The following ARHGEF18 variants were observed in gnomAD, a reference collection of about 807,000 sequenced individuals.
ARHGEF18 encodes Rho/Rac guanine nucleotide exchange factor 18.
Under a neutral mutation model 155.7 loss-of-function variants are expected in ARHGEF18, and 93 were observed. The observed-to-expected ratio is 0.60, with a 90% CI of 0.50 to 0.71. ARHGEF18 has a LOEUF of 0.71. Among genes scored for constraint, ARHGEF18 ranks in the 30% least tolerant of loss-of-function variants. ARHGEF18 has a pLI of 0.00. For synonymous variants in ARHGEF18, 742 were observed against 753.1 expected (o/e 0.99, Z 0.24); for missense variants, 1,593 against 1,816.1 (o/e 0.88, Z 2.23).
intron 10 of ARHGEF18, among the ~76,000 whole-genome samples, chr19:7,434,917 A>G (rs184664135): frequency 6.6e-6 from 1 of 152,274 alleles, no homozygotes; most frequent in East Asian, 1.9e-4. Flanking sequence ...AAGAAACACC[A>G]TAGGCCAGGC....
downstream of ARHGEF18, among the ~76,000 whole-genome samples, chr19:7,475,129 A>G (rs1210941723): frequency 1.3e-5 from 2 of 152,140 alleles, no homozygotes; most frequent in Non-Finnish European, 2.9e-5. Context: ...GCTACTCGGG[A>G]GGCTGAGGCA....
rs192456810 is a variant in ARHGEF18, at chr19:7,442,114, C to G, written c.1360+62C>G. 1.9e-4 allele frequency: 297 copies of G among 1,555,684 alleles called. 4 individuals carry two copies. The African/African-American group carries it at 2.9e-3, about 15-fold the overall frequency. On this transcript the variant is annotated intron_variant, in intron 13 of 28. Coordinates refer to ENST00000668164, the MANE Select transcript of ARHGEF18 (RefSeq NM_001367823.1). The stretch of plus-strand genomic sequence containing the variant: ...CTCCACTCTCTTCTCTGCTCCCTCC[C>G]TTCCTCCCTCCCTTCCTTCCTTCCT...
At chr19:7,415,518 G>A (rs1420370965) in intron 10 of ARHGEF18, among the ~76,000 whole-genome samples, 2 of 151,738 alleles carry the variant, frequency 1.3e-5, no homozygotes, top group East Asian at 1.9e-4. Context: ...AAACCTTTCC[G>A]TGGCTTCAGG....
rs1970114732 is a variant in ARHGEF18, at chr19:7,369,752, A to T, written c.16-3060A>T. On this transcript the variant is annotated intron_variant, in intron 2 of 28. Coordinates refer to ENST00000668164, the MANE Select transcript of ARHGEF18 (RefSeq NM_001367823.1). ...GCAGATGTTTCAGTGAGCTGATACT[A>T]TGCCATTGCATTCCAGCCTGGGCGA... Among the ~76,000 whole-genome samples, 4 of 152,134 alleles carry T rather than the reference A, an allele frequency of 2.6e-5. No individual in the cohort carries two copies. The South Asian group carries it at 8.3e-4, about 31-fold the overall frequency.
chr19:7,356,990 G>A (rs957483558), intron 1 of ARHGEF18, among the ~76,000 whole-genome samples: 1 of 152,162 alleles, frequency 6.6e-6, no homozygotes, highest in African/African-American at 2.4e-5. Flanking sequence ...GGGGTTAGGG[G>A]GAGAGAGGAT....
intron 13 of ARHGEF18, among the ~76,000 whole-genome samples, chr19:7,442,304 A>G (rs761785705): frequency 3.3e-5 from 5 of 151,342 alleles, no homozygotes; most frequent in Non-Finnish European, 7.4e-5. Flanking sequence ...TGGGACAATC[A>G]GAGCTCACTG....
chr19:7,441,585 T>C (rs1317842388), intron 11 of ARHGEF18, 68 bp from the exon 12 acceptor site: 1 of 1,235,592 alleles, frequency 8.1e-7, no homozygotes, highest in Non-Finnish European at 1.2e-6. Flanking sequence ...CGATGTGCCT[T>C]TGTTGCATGA....
chr19:7,466,953 G>A lies in ARHGEF18; in HGVS notation c.2940G>A (p.Leu980=). ...EAPGTESDPR[L]PTVLESELVQ... ...CAGGCACGGAATCCGATCCCCGTCTGCCCACCGTCCTGGAGTCGGAGGTAG... is the reference window on the plus strand; with the variant it reads ...CAGGCACGGAATCCGATCCCCGTCTACCCACCGTCCTGGAGTCGGAGGTAG... Residue 980 remains leucine, a synonymous_variant, in exon 24 of 29, where the codon CTG becomes CTA. Transcript: ENST00000668164. The A allele has an allele frequency of 1.2e-6, 2 of 1,613,460 alleles. No homozygotes were observed. Among genetic ancestry groups the A allele is most frequent in the Non-Finnish European group, 1.7e-6 (2 of 1,180,006 alleles).
chr19:7,378,006 TTGC>T, intron 5 of ARHGEF18, among the ~76,000 whole-genome samples: 1 of 152,212 alleles, frequency 6.6e-6, no homozygotes, highest in Admixed American at 6.5e-5. Context: ...GACAGGAGAC[TTGC>T]TTGAACCCAG....
intron 10 of ARHGEF18, among the ~76,000 whole-genome samples, chr19:7,427,967 G>A (rs1973754818): frequency 6.6e-6 from 1 of 152,004 alleles, no homozygotes; most frequent in East Asian, 1.9e-4. Context: ...GAAAAAGAGG[G>A]AGAGAAAAAA....
intron 10 of ARHGEF18, among the ~76,000 whole-genome samples, chr19:7,391,245 G>A (rs945112651): frequency 6.6e-6 from 1 of 152,008 alleles, no homozygotes; most frequent in Admixed American, 6.6e-5. Context: ...AAGTCAACGT[G>A]ACAGTCTGTC....
chr19:7,441,841 C>T, intron 12 of ARHGEF18, 71 bp from the exon 13 acceptor site: 2 of 1,612,220 alleles, frequency 1.2e-6, no homozygotes, highest in Non-Finnish European at 1.7e-6. Flanking sequence ...CTCGTGTCAG[C>T]ATGTCTACGG....
intron 10 of ARHGEF18, among the ~76,000 whole-genome samples, chr19:7,429,151 C>T (rs972628497): frequency 2.9e-5 from 4 of 139,356 alleles, no homozygotes; most frequent in Admixed American, 7.6e-5. Flanking sequence ...GGCATGTCAG[C>T]GTAGTTGGGG....
In ARHGEF18 at chr19:7,378,935, C is replaced by T. The variant is rs928490258; in HGVS notation, c.600-187C>T. Among the ~76,000 whole-genome samples, 13 of 152,072 alleles carry T rather than the reference C, an allele frequency of 8.5e-5. No homozygotes were observed. The East Asian group carries it at 9.8e-4, about 11-fold the overall frequency. On this transcript the variant is annotated intron_variant, in intron 6 of 28. Transcript: ENST00000668164. ...CTCGAACCCCTGACCTCAGGTGATC[C>T]GCCCACCTTGGCCTCCCAAAGTACT...
chr19:7,413,579 G>T (rs1036154857), intron 10 of ARHGEF18, among the ~76,000 whole-genome samples: 1 of 150,036 alleles, frequency 6.7e-6, no homozygotes, highest in Non-Finnish European at 1.5e-5. Context: ...GGGATTACAG[G>T]CGTGAGCCAC....
intron 10 of ARHGEF18, among the ~76,000 whole-genome samples, chr19:7,388,137 T>G (rs1971187615): frequency 6.6e-6 from 1 of 152,112 alleles, no homozygotes; most frequent in Admixed American, 6.6e-5. Flanking sequence ...CAACAGCGTC[T>G]AATTTCCTGA....
intron 10 of ARHGEF18, among the ~76,000 whole-genome samples, chr19:7,433,139 T>G (rs914767216): frequency 6.7e-6 from 1 of 149,642 alleles, no homozygotes; most frequent in Non-Finnish European, 1.5e-5. Flanking sequence ...CTAGCCTAGA[T>G]GATGGAGCGA....
intron 10 of ARHGEF18, among the ~76,000 whole-genome samples, chr19:7,431,353 C>A (rs1394433621): frequency 6.6e-6 from 1 of 151,588 alleles, no homozygotes; most frequent in East Asian, 1.9e-4. Flanking sequence ...CCCGTCTCTA[C>A]TAAAAATATA....
intron 2 of ARHGEF18, among the ~76,000 whole-genome samples, chr19:7,372,410 GGAAGTGAAGGACAAAA>G (rs1216807334): frequency 6.6e-6 from 1 of 151,924 alleles, no homozygotes; most frequent in Non-Finnish European, 1.5e-5. Context: ...AGGAGAAGAG[GGAAGTGAAGGACAAAA>G]GAAGGGAAGG....
Sources: allele counts gnomAD v4.1 joint callset (sites outside exome capture counted in the v4.1 genomes callset), GRCh38; gene constraint gnomAD v4.1.1; transcripts MANE v1.5; gene names NCBI Gene and HGNC (gene_info 2026-07-23, HGNC 2026-07-21).